The following VAV1 variants were observed in gnomAD, a reference collection of about 807,000 sequenced individuals.
The protein encoded by VAV1 is vav guanine nucleotide exchange factor 1, also known as proto-oncogene vav.
VAV1 carries 33 observed loss-of-function variants against 128.1 expected under a neutral mutation model. The observed-to-expected ratio is 0.26, with a 90% CI of 0.20 to 0.34. The LOEUF (loss-of-function observed/expected upper bound fraction) is 0.34, where lower values mean the gene tolerates loss of function less well. VAV1 is among the 10% of genes least tolerant of loss of function. The pLI is 1.00. For missense variants in VAV1, 715 were observed against 1,093.7 expected, an observed-to-expected ratio of 0.65 and a Z score of 4.88; for synonymous variants, 394 against 409.8, an observed-to-expected ratio of 0.96 and a Z score of 0.47.
intron 14 of VAV1, among the ~76,000 whole-genome samples, chr19:6,831,198 C>T (rs1972045198): frequency 6.6e-6 from 1 of 152,156 alleles, no homozygotes; most frequent in Admixed American, 6.6e-5. Flanking sequence ...GACATTTAAG[C>T]TGAGACCCCT....
chr19:6,856,466 A>G (rs111570753), intron 26 of VAV1, among the ~76,000 whole-genome samples: 1 of 152,126 alleles, frequency 6.6e-6, no homozygotes, highest in African/African-American at 2.4e-5. Context: ...TCATGCCTGT[A>G]ATCCCAGCAC....
chr19:6,828,238 G>C lies in VAV1; in HGVS notation c.1023+67G>C. 1 of 1,586,108 alleles carries C rather than the reference G, an allele frequency of 6.3e-7. No individual in the cohort carries two copies. Among genetic ancestry groups the C allele is most frequent in the Non-Finnish European group, 8.6e-7 (1 of 1,159,932 alleles). On this transcript the variant is annotated intron_variant, in intron 10 of 26. Coordinates refer to ENST00000602142, the MANE Select transcript of VAV1 (RefSeq NM_005428.4). The surrounding 1 kb of genome is among the most constrained non-coding windows in gnomAD (Gnocchi z 4.5). ...CTCCTGTGTCTATAAAAGTGGGGAC[G>C]GGGCTGGCTTCTGGGGGTTGGGTCT...
chr19:6,846,375 T>C (rs1972522565), intron 22 of VAV1, among the ~76,000 whole-genome samples: 1 of 150,860 alleles, frequency 6.6e-6, no homozygotes, highest in Non-Finnish European at 1.5e-5. Flanking sequence ...TCACTTGAGG[T>C]CAGGAGTTCG....
chr19:6,797,602 C>T (rs1399470675), intron 1 of VAV1, among the ~76,000 whole-genome samples: 1 of 151,950 alleles, frequency 6.6e-6, no homozygotes, highest in East Asian at 1.9e-4. Flanking sequence ...ACTCAGGAGG[C>T]TGAGGCAGGA....
intron 25 of VAV1, among the ~76,000 whole-genome samples, chr19:6,853,371 C>G (rs968208154): frequency 6.6e-6 from 1 of 151,474 alleles, no homozygotes; most frequent in South Asian, 2.1e-4. Context: ...CTCTTGGGTT[C>G]GAGGGATTCT....
intron 15 of VAV1, 142 bp downstream of exon 15, chr19:6,832,342 A>C: frequency 1.3e-6 from 1 of 777,478 alleles, no homozygotes; most frequent in East Asian, 2.7e-5. Flanking sequence ...AATAAGAGGG[A>C]CAGGCCCAAG....
chr19:6,841,763 C>A (rs1305212943), intron 21 of VAV1, among the ~76,000 whole-genome samples: 1 of 151,990 alleles, frequency 6.6e-6, no homozygotes, highest in East Asian at 1.9e-4. Flanking sequence ...CATGAGCCAC[C>A]GTGTCCAGCA....
chr19:6,853,062 C>A lies in VAV1; in HGVS notation c.2315C>A (p.Thr772Asn). The change falls in exon 25 of 27, where the codon ACC becomes AAC. Residue 772 changes from threonine (T) to asparagine (N), a missense_variant. By Grantham distance (65) the Thr-to-Asn change is moderately conservative (BLOSUM62 0). This residue lies in a region of VAV1 where 407 missense variants were observed against 580.6 expected (regional missense o/e 0.70). Transcript: ENST00000602142. ...CCCTTCAAGGAGCCTGAAAAGAGAA[C>A]CATCAGCAGGCCAGCAGGTAGGAGG... ...QFPFKEPEKR[T>N]ISRPAVGSTK... 2 of 1,611,170 alleles carry A rather than the reference C, an allele frequency of 1.2e-6. No individual in the cohort carries two copies. The highest frequency in any genetic ancestry group is 1.7e-6 in the Non-Finnish European group (2 of 1,178,196).
chr19:6,840,732 G>A (rs757209438), intron 21 of VAV1, among the ~76,000 whole-genome samples: 2 of 151,650 alleles, frequency 1.3e-5, no homozygotes, highest in African/African-American at 2.4e-5. Flanking sequence ...AGCCTCCTGA[G>A]TAGCTGGGAC....
intron 19 of VAV1, chr19:6,835,910 C>A (rs553279855): frequency 6.6e-6 from 1 of 152,112 alleles, no homozygotes; most frequent in Non-Finnish European, 1.5e-5. Context: ...CTCACTCCAT[C>A]GCCCAGGCTG....
rs927549191 is a variant in VAV1 at position 6,831,272 on chromosome 19, A to C, written c.1399-819A>C. Among the ~76,000 whole-genome samples the C allele has an allele frequency of 1.9e-4, 29 of 151,732 alleles. 1 individual carries two copies. Among genetic ancestry groups the C allele is most frequent in the African/African-American group, 6.8e-4 (28 of 41,266 alleles). ...TCCTGTGAACTCTTCCGTTCGCTTC[A>C]GTTTTTGCCCTGGAGTTCCCCCTGT... On this transcript the variant is annotated intron_variant, in intron 14 of 26. Coordinates refer to ENST00000602142, the MANE Select transcript of VAV1 (RefSeq NM_005428.4).
chr19:6,853,987 T>C lies in VAV1; in HGVS notation c.2373T>C (p.Tyr791=). ...ATTTTGGCACAGCCAAAGCCCGCTATGACTTCTGCGCCCGAGACCGATCAG... is the reference window on the plus strand; with the variant it reads ...ATTTTGGCACAGCCAAAGCCCGCTACGACTTCTGCGCCCGAGACCGATCAG... ...TKYFGTAKAR[Y]DFCARDRSEL... is the part of the protein sequence containing the mutation. The change falls in exon 26 of 27, where the codon TAT becomes TAC. Residue 791 remains tyrosine, a synonymous_variant. Transcript: ENST00000602142. The C allele has an allele frequency of 1.2e-6, 2 of 1,613,714 alleles. No individual in the cohort carries two copies. Among genetic ancestry groups the C allele is most frequent in the Middle Eastern group, 1.7e-4 (1 of 6,058 alleles).
In VAV1 at chr19:6,832,088, C is replaced by T. The variant is rs767091715; in HGVS notation, c.1399-3C>T. On this transcript the variant is annotated splice_region_variant and splice_polypyrimidine_tract_variant and intron_variant, in intron 14 of 26. Transcript: ENST00000602142. ...CTTCAGTCTGAGCTCTGCTTCCCTG[C>T]AGTGGAGCCACATGTTCCTCCTGAT... The T allele has an allele frequency of 1.2e-6, 2 of 1,613,868 alleles. No homozygotes were observed. The highest frequency in any genetic ancestry group is 2.2e-5 in the South Asian group (2 of 91,074).
At chr19:6,851,140 A>G (rs1972667468) in intron 24 of VAV1, among the ~76,000 whole-genome samples, 1 of 151,816 alleles carries the variant, frequency 6.6e-6, no homozygotes, top group Admixed American at 6.6e-5. Context: ...ATATACGTGT[A>G]TCTGTTTATT....
intron 21 of VAV1, among the ~76,000 whole-genome samples, chr19:6,838,102 T>TCTATCTAA (rs1972266979): frequency 1.5e-5 from 2 of 133,674 alleles, no homozygotes; most frequent in South Asian, 4.5e-4. Context: ...TGTCTGTCTA[T>TCTATCTAA]CTATCTATCT....
intron 2 of VAV1, 75 bp from the exon 3 acceptor site, chr19:6,821,547 G>T: frequency 6.3e-7 from 1 of 1,576,450 alleles, no homozygotes; most frequent in Non-Finnish European, 8.7e-7. Flanking sequence ...CTCAGACAGA[G>T]CCTTGCAGCT....
chr19:6,845,371 C>T (rs1173763725), intron 22 of VAV1, among the ~76,000 whole-genome samples: 3 of 151,742 alleles, frequency 2.0e-5, no homozygotes, highest in Non-Finnish European at 4.4e-5. Context: ...GGCAACAGAG[C>T]GAGACTCGGT....
At position 6,787,573 on chromosome 19, in the gene VAV1, GATTTATTTATTTATTT is replaced by G. The variant is rs74174839; in HGVS notation, c.204+14588_204+14603del. ...CAGATGAGGGTGACCAACTACTCCA[GATTTATTTATTTATTT>G]ATTTATTTATTTATTTATTTATTTA... On this transcript the variant is annotated intron_variant, in intron 1 of 26. Coordinates refer to ENST00000602142, the MANE Select transcript of VAV1 (RefSeq NM_005428.4). 1.0e-3 allele frequency among the ~76,000 whole-genome samples: 153 copies of G among 147,194 alleles called. No homozygotes were observed. The Middle Eastern group carries it at 0.017, about 16-fold the overall frequency.
intron 1 of VAV1, among the ~76,000 whole-genome samples, chr19:6,799,811 C>T (rs1347123503): frequency 1.5e-5 from 2 of 137,684 alleles, no homozygotes; most frequent in Non-Finnish European, 3.0e-5. Flanking sequence ...GGCCAGGCTG[C>T]ACTCCAGCCT....
Sources: allele counts gnomAD v4.1 joint callset (sites outside exome capture counted in the v4.1 genomes callset), GRCh38; gene constraint gnomAD v4.1.1; regional missense constraint gnomAD v4.1.1; non-coding constraint Gnocchi (gnomAD v3.1); transcripts MANE v1.5; gene names NCBI Gene and HGNC (gene_info 2026-07-23, HGNC 2026-07-21).